The following CHMP5 variants were observed in gnomAD, a reference collection of about 807,000 sequenced individuals.
CHMP5 encodes the protein SNF7 domain containing 2.
In CHMP5, 17 loss-of-function variants were observed where a neutral mutation model predicts 33.0. The ratio of observed to expected loss-of-function variants is 0.52; its 90% CI spans 0.35 to 0.77. The LOEUF (loss-of-function observed/expected upper bound fraction) is 0.77, where lower values mean the gene tolerates loss of function less well. Among genes scored for constraint, CHMP5 ranks in the 30% least tolerant of loss-of-function variants. The pLI is 0.01. For missense variants in CHMP5, 216 were observed against 261.5 expected (o/e 0.83, Z 1.20); for synonymous variants, 76 against 90.2 (o/e 0.84, Z 0.89).
intron 1 of CHMP5, 116 bp downstream of exon 1, chr9:33,265,263 C>T (rs1184867039): frequency 8.5e-6 from 8 of 936,546 alleles, no homozygotes; most frequent in African/African-American, 8.1e-5. Flanking sequence ...GCCCCTTACA[C>T]GTCGTCCCTC....
At chr9:33,273,916 TGTCTTTAATTATTACTCAGCCA>T (rs1017042687) in intron 5 of CHMP5, among the ~76,000 whole-genome samples, 3 of 152,162 alleles carry the variant, frequency 2.0e-5, no homozygotes. Flanking sequence ...TTATTTTCAT[TGTCTTTAATTATTACTCAGCCA>T]GTGCTTCTCT....
At chr9:33,265,974 C>T in intron 1 of CHMP5, 36 bp from the exon 2 acceptor site, 1 of 1,339,260 alleles carries the variant, frequency 7.5e-7, no homozygotes, top group South Asian at 1.2e-5. Flanking sequence ...AAGTGTATTG[C>T]AGTAACTACC....
At position 33,276,118 on chromosome 9, in the gene CHMP5, T is replaced by A. The variant is rs141870826; in HGVS notation, c.388-338T>A. On this transcript the variant is annotated intron_variant, in intron 5 of 7. Transcript: ENST00000223500. Reference sequence around the variant, plus strand: ...CAAGGGATTATGTGGGTCAGTAACATTCATAATTATTGTTAGAGGAGGTCT... The same window carrying A: ...CAAGGGATTATGTGGGTCAGTAACAATCATAATTATTGTTAGAGGAGGTCT... Among the ~76,000 whole-genome samples the A allele has an allele frequency of 2.7e-3, 417 of 152,370 alleles. 2 individuals carry two copies. Among genetic ancestry groups the A allele is most frequent in the Non-Finnish European group, 3.0e-3 (206 of 68,038 alleles).
chr9:33,275,313 C>T (rs750569749), intron 5 of CHMP5, among the ~76,000 whole-genome samples: 90 of 152,274 alleles, frequency 5.9e-4, no homozygotes, highest in Middle Eastern at 3.4e-3. Context: ...GCATTTTTAG[C>T]CTTGTAGTAA....
intron 2 of CHMP5, 119 bp from the exon 3 acceptor site, chr9:33,267,734 T>G: frequency 1.5e-6 from 1 of 678,144 alleles, no homozygotes; most frequent in East Asian, 2.7e-5. Context: ...CAGGAGCCAT[T>G]ATGCCTACTA....
chr9:33,269,081 T>C (rs1820762499), intron 3 of CHMP5, among the ~76,000 whole-genome samples: 1 of 152,236 alleles, frequency 6.6e-6, no homozygotes, highest in Admixed American at 6.5e-5. Context: ...GTTTCCAATA[T>C]TGTATAAAGA....
At chr9:33,272,809 TAAAAG>T (rs1022246944) in intron 5 of CHMP5, among the ~76,000 whole-genome samples, 5 of 151,346 alleles carry the variant, frequency 3.3e-5, no homozygotes, top group African/African-American at 1.2e-4. Context: ...CAAAAAAAAA[TAAAAG>T]AGTGAAGGCA....
At chr9:33,271,296 A>T (rs756411541) in intron 5 of CHMP5, 73 bp downstream of exon 5, 33 of 1,214,304 alleles carry the variant, frequency 2.7e-5, no homozygotes, top group Non-Finnish European at 4.0e-5. Context: ...TGCATGTGAT[A>T]GGAAGAGCAC....
At position 33,276,600 on chromosome 9, in the gene CHMP5, G is replaced by A. The variant is rs759050959; in HGVS notation, c.496+36G>A. The A allele has an allele frequency of 9.0e-6, 11 of 1,222,552 alleles. No individual in the cohort carries two copies. The Middle Eastern group carries it at 1.1e-3, about 126-fold the overall frequency. The allele number at this position is 1,222,552 out of a possible 1,614,324, so 75.7% of individuals were successfully genotyped here. On this transcript the variant is annotated intron_variant, in intron 6 of 7. Transcript: ENST00000223500. ...AGAAAAGTAATGTATATTTAGTTTT[G>A]GAGTCCAAAAGCAACAGCTGCCTGG... is the stretch of plus-strand genomic sequence containing the variant.
chr9:33,278,439 G>C (rs1273029431), intron 7 of CHMP5, among the ~76,000 whole-genome samples: 3 of 152,178 alleles, frequency 2.0e-5, no homozygotes, highest in African/African-American at 7.2e-5. Context: ...TATTTTTATA[G>C]AATGACAATT....
intron 4 of CHMP5, 132 bp from the exon 5 acceptor site, chr9:33,271,020 T>C (rs1363390925): frequency 1.4e-6 from 1 of 699,768 alleles, no homozygotes; most frequent in Non-Finnish European, 2.4e-6. Context: ...AGGCGGAGGT[T>C]GCAGTGAGCC....
rs77706408 is a variant in CHMP5 at position 33,279,866 on chromosome 9, CAA to C, written c.610-923_610-922del. 3.1e-4 allele frequency among the ~76,000 whole-genome samples: 17 copies of C among 54,938 alleles called. 1 individual carries two copies. Among genetic ancestry groups the C allele is most frequent in the African/African-American group, 7.4e-4 (9 of 12,226 alleles). The allele number at this position is 54,938 out of a possible 152,430, so 36.0% of individuals were successfully genotyped here. ...GGGCAAAAAGAGCAAAACTCAATCTCAAAAAAAAAAAAAAAAAAAAAGTCCCT... is the reference window on the plus strand; with the variant it reads ...GGGCAAAAAGAGCAAAACTCAATCTCAAAAAAAAAAAAAAAAAAAGTCCCT... On this transcript the variant is annotated intron_variant, in intron 7 of 7. Transcript: ENST00000223500.
At chr9:33,268,097 T>C (rs556012123) in intron 3 of CHMP5, among the ~76,000 whole-genome samples, 198 bp downstream of exon 3, 379 of 152,368 alleles carry the variant, frequency 2.5e-3, no homozygotes, top group African/African-American at 8.8e-3. Context: ...TTTGCCATGA[T>C]GGAGATGCTC....
chr9:33,281,755 C>CA lies in CHMP5; in HGVS notation c.*897dup, dbSNP rs1820924804. The stretch of plus-strand genomic sequence containing the variant: ...CTTATTAGTAAAATCATGCTTAACT[C>CA]ACAGAGCTTTTGTGAGGAATAATTG... On this transcript the variant is annotated 3_prime_UTR_variant, in exon 8 of 8. Coordinates refer to ENST00000223500, the MANE Select transcript of CHMP5 (RefSeq NM_016410.6). The CA allele has an allele frequency of 6.6e-6, 1 of 152,180 alleles. No individual in the cohort carries two copies. The highest frequency in any genetic ancestry group is 2.4e-5 in the African/African-American group (1 of 41,430). 9.4% of individuals were successfully genotyped at this position (152,180 alleles called of 1,614,324 possible).
chr9:33,276,577 A>T lies in CHMP5; in HGVS notation c.496+13A>T. The T allele has an allele frequency of 6.9e-7, 1 of 1,447,072 alleles. No individual in the cohort carries two copies. Among genetic ancestry groups the T allele is most frequent in the Non-Finnish European group, 9.7e-7 (1 of 1,030,918 alleles). The allele number at this position is 1,447,072 out of a possible 1,614,324, so 89.6% of individuals were successfully genotyped here. On this transcript the variant is annotated intron_variant, in intron 6 of 7. Coordinates refer to ENST00000223500, the MANE Select transcript of CHMP5 (RefSeq NM_016410.6). Reference sequence around the variant, plus strand: ...GATTTAGAAGCAGGTAAGTTATGAGAAAAGTAATGTATATTTAGTTTTGGA... The same window carrying T: ...GATTTAGAAGCAGGTAAGTTATGAGTAAAGTAATGTATATTTAGTTTTGGA...
intron 3 of CHMP5, among the ~76,000 whole-genome samples, chr9:33,269,314 G>A (rs574245673): frequency 8.6e-5 from 13 of 152,046 alleles, no homozygotes; most frequent in African/African-American, 3.1e-4. Context: ...GATAAGCCTG[G>A]CCAACATGGT....
At chr9:33,271,614 G>T (rs1820795607) in intron 5 of CHMP5, among the ~76,000 whole-genome samples, 1 of 152,140 alleles carries the variant, frequency 6.6e-6, no homozygotes, top group Non-Finnish European at 1.5e-5. Flanking sequence ...AGATGATTTT[G>T]CCCAACTGTA....
Sources: allele counts gnomAD v4.1 joint callset (sites outside exome capture counted in the v4.1 genomes callset), GRCh38; gene constraint gnomAD v4.1.1; transcripts MANE v1.5; gene names NCBI Gene and HGNC (gene_info 2026-07-23, HGNC 2026-07-21).